CTNNA3: variants seen among roughly 807,000 people sequenced by gnomAD.
The protein encoded by CTNNA3 is catenin alpha 3.
A neutral mutation model predicts 95.7 loss-of-function variants in CTNNA3; 76 were observed. That is an observed-to-expected ratio of 0.79 (90% CI 0.66 to 0.96). CTNNA3 has a LOEUF of 0.96. CTNNA3 is among the 40% of genes least tolerant of loss of function. The pLI is 0.00. For missense variants in CTNNA3, 1,191 were observed against 1,089.8 expected, an observed-to-expected ratio of 1.09 and a Z score of -1.31; for synonymous variants, 431 against 374.4, an observed-to-expected ratio of 1.15 and a Z score of -1.74.
At chr10:66,805,616 A>G (rs1841611378) in intron 7 of CTNNA3, among the ~76,000 whole-genome samples, 1 of 151,548 alleles carries the variant, frequency 6.6e-6, no homozygotes, top group Non-Finnish European at 1.5e-5. Context: ...TGAGATGTCT[A>G]TTTTTCTCAG....
intron 17 of CTNNA3, among the ~76,000 whole-genome samples, chr10:65,945,764 T>G (rs896334154): frequency 6.6e-6 from 1 of 152,138 alleles, no homozygotes. Context: ...TAATGGGACC[T>G]TCTTCATTGG....
In CTNNA3 at chr10:66,026,676, A is replaced by G. The variant is rs551316301; in HGVS notation, c.2160-37879T>C. Among the ~76,000 whole-genome samples the G allele has an allele frequency of 4.6e-5, 7 of 152,256 alleles. No homozygotes were observed. In the South Asian group the frequency reaches 1.4e-3, roughly 32 times the overall value. On this transcript the variant is annotated intron_variant, in intron 15 of 17. Transcript: ENST00000433211. Reference sequence around the variant, plus strand: ...CTGTGTCTAGAGTTTCTTCATTTTAATATTCTTGTTGTTCCATCTGGGTCA... The same window carrying G: ...CTGTGTCTAGAGTTTCTTCATTTTAGTATTCTTGTTGTTCCATCTGGGTCA...
chr10:67,712,564 C>T (rs748611131), intron 1 of CTNNA3, among the ~76,000 whole-genome samples: 37 of 152,294 alleles, frequency 2.4e-4, no homozygotes, highest in Middle Eastern at 3.4e-3. Context: ...TATAGAGGTC[C>T]GGCCATGGCT....
intron 15 of CTNNA3, among the ~76,000 whole-genome samples, chr10:66,014,837 C>T (rs1316547833): frequency 6.6e-6 from 1 of 152,150 alleles, no homozygotes; most frequent in Non-Finnish European, 1.5e-5. Context: ...GGTGCGGTGG[C>T]TCAATGCCTG....
chr10:66,514,364 T>C (rs183574778), intron 11 of CTNNA3, among the ~76,000 whole-genome samples: 6 of 152,244 alleles, frequency 3.9e-5, no homozygotes, highest in African/African-American at 7.2e-5. Context: ...ACTGGCGTAG[T>C]AGCAGTGAAT....
intron 13 of CTNNA3, among the ~76,000 whole-genome samples, chr10:66,262,526 C>G (rs562251546): frequency 6.6e-6 from 1 of 151,768 alleles, no homozygotes. Context: ...TAATGTATGA[C>G]TTATTGTAAA....
chr10:65,921,388 C>T (rs1414751431), intron 17 of CTNNA3, among the ~76,000 whole-genome samples: 1 of 152,186 alleles, frequency 6.6e-6, no homozygotes, highest in Non-Finnish European at 1.5e-5. Context: ...CTTGCCAAAA[C>T]CCTATTGTAA....
At chr10:66,035,745 C>T (rs1378120777) in intron 15 of CTNNA3, among the ~76,000 whole-genome samples, 2 of 152,028 alleles carry the variant, frequency 1.3e-5, no homozygotes, top group South Asian at 2.1e-4. Context: ...CTTATATTCC[C>T]ATAGCCTAGC....
chr10:67,700,639 C>T (rs551159611), upstream of CTNNA3, among the ~76,000 whole-genome samples: 1 of 152,266 alleles, frequency 6.6e-6, no homozygotes, highest in South Asian at 2.1e-4. Flanking sequence ...TCACCATCAT[C>T]AAACACCAAA....
chr10:67,460,707 T>A (rs1370719576), intron 5 of CTNNA3, among the ~76,000 whole-genome samples: 1 of 151,558 alleles, frequency 6.6e-6, no homozygotes, highest in African/African-American at 2.4e-5. Flanking sequence ...TTACAGGGAG[T>A]AGGAAAAAAA....
intron 11 of CTNNA3, among the ~76,000 whole-genome samples, chr10:66,430,007 T>C (rs1397014611): frequency 7.1e-6 from 1 of 141,374 alleles, no homozygotes; most frequent in South Asian, 2.4e-4. Context: ...GAAAACCCCA[T>C]CATCTCAGTC....
rs531720519 is a variant in CTNNA3, at chr10:67,761,713, C to A, written c.-2+1721G>T. Among the ~76,000 whole-genome samples the A allele has an allele frequency of 2.0e-4, 30 of 152,120 alleles. No homozygotes were observed. The East Asian group carries it at 4.3e-3, about 22-fold the overall frequency. ...CTAACACAGTGAAACCCCATCTCTA[C>A]CAAAAATACAAAAAATTACCCAGGC... On this transcript the variant is annotated intron_variant, in intron 1 of 17. Transcript: ENST00000684154.
At chr10:66,450,065 T>G (rs1319692427) in intron 11 of CTNNA3, among the ~76,000 whole-genome samples, 2 of 152,098 alleles carry the variant, frequency 1.3e-5, no homozygotes, top group Non-Finnish European at 2.9e-5. Context: ...CTTCAAAAAG[T>G]GAAATCTTCT....
chr10:67,218,376 G>C (rs1864485613), intron 6 of CTNNA3, among the ~76,000 whole-genome samples: 1 of 152,168 alleles, frequency 6.6e-6, no homozygotes, highest in Non-Finnish European at 1.5e-5. Flanking sequence ...TCCCAGGGTA[G>C]AGTAACCTGC....
intron 11 of CTNNA3, among the ~76,000 whole-genome samples, chr10:66,389,666 A>G (rs1381766014): frequency 2.0e-5 from 3 of 152,016 alleles, no homozygotes; most frequent in African/African-American, 4.8e-5. Context: ...AAATTTTGAA[A>G]TGCATTTTTA....
intron 3 of CTNNA3, among the ~76,000 whole-genome samples, chr10:67,604,737 A>G (rs1305594064): frequency 6.6e-6 from 1 of 152,210 alleles, no homozygotes; most frequent in Non-Finnish European, 1.5e-5. Context: ...GAACTTAGAC[A>G]TTAATTGGAA....
chr10:66,335,666 A>T (rs1167950119), intron 12 of CTNNA3, among the ~76,000 whole-genome samples: 2 of 151,926 alleles, frequency 1.3e-5, no homozygotes, highest in Non-Finnish European at 2.9e-5. Context: ...CAGTTAGGCT[A>T]CTCGGGGGTC....
intron 9 of CTNNA3, among the ~76,000 whole-genome samples, chr10:66,706,501 T>A (rs1848122510): frequency 6.6e-6 from 1 of 151,910 alleles, no homozygotes; most frequent in South Asian, 2.1e-4. Context: ...TATTATTGAC[T>A]GTGTACATAA....
At chr10:66,637,056 A>G (rs10997278) in intron 9 of CTNNA3, among the ~76,000 whole-genome samples, 37,040 of 152,104 alleles carry the variant, frequency 0.24, 5,852 homozygotes, top group East Asian at 0.57. Context: ...ATAAAACTCT[A>G]AAAATAAGAC....
Sources: gnomAD v4.1 joint callset for allele counts (sites outside exome capture counted in the v4.1 genomes callset) on GRCh38, gnomAD v4.1.1 for gene constraint, MANE v1.5 for transcripts, NCBI Gene and HGNC (gene_info 2026-07-23, HGNC 2026-07-21) for gene names.